Variants in ITPRID1 observed in about 807,000 individuals in gnomAD.
ITPRID1 encodes the protein protein ITPRID1.
ITPRID1 carries 96 observed loss-of-function variants against 95.4 expected under a neutral mutation model. The ratio of observed to expected loss-of-function variants is 1.01; its 90% CI spans 0.85 to 1.19. The LOEUF (loss-of-function observed/expected upper bound fraction) is 1.19. Among genes scored for constraint, ITPRID1 ranks in the 50% most tolerant of loss-of-function variants. ITPRID1 has a pLI of 0.00. For synonymous variants in ITPRID1, 510 were observed against 453.6 expected (o/e 1.12, Z -1.58); for missense variants, 1,339 against 1,252.9 (o/e 1.07, Z -1.04).
intron 10 of ITPRID1, among the ~76,000 whole-genome samples, chr7:31,587,258 A>G (rs1785656474): frequency 1.3e-5 from 2 of 152,266 alleles, no homozygotes; most frequent in South Asian, 4.2e-4. Flanking sequence ...TCAGCCCAAA[A>G]TCTCCTTAAG....
In ITPRID1 at chr7:31,543,170, G is replaced by C. The variant is rs560052857; in HGVS notation, c.-97-6256G>C. ...GCCTAGGAAACAAGCATAGCTGGAA[G>C]ACAAAGACAGATTTTGAGAGGTAAT... On this transcript the variant is annotated intron_variant, in intron 1 of 14. Transcript: ENST00000615280. 5.7e-4 allele frequency among the ~76,000 whole-genome samples: 87 copies of C among 152,186 alleles called. 1 individual carries two copies. The Middle Eastern group carries it at 0.014, about 24-fold the overall frequency.
At chr7:31,547,026 G>A (rs1050407522) in intron 1 of ITPRID1, among the ~76,000 whole-genome samples, 1 of 152,080 alleles carries the variant, frequency 6.6e-6, no homozygotes, top group Non-Finnish European at 1.5e-5. Flanking sequence ...CAAGTTAAAT[G>A]ATTATTTTCA....
At chr7:31,564,509 C>A (rs567839077) in intron 5 of ITPRID1, among the ~76,000 whole-genome samples, 1 of 152,130 alleles carries the variant, frequency 6.6e-6, no homozygotes, top group Non-Finnish European at 1.5e-5. Flanking sequence ...GAGAAAATAT[C>A]AAAACCAAGC....
At position 31,620,269 on chromosome 7, in the gene ITPRID1, A is replaced by T. The variant is rs370298148; in HGVS notation, c.1229-21907A>T. ...TGAAGAGAGCAGTGGTTCTCCCAGC[A>T]TGCAGCTGGAGATCTGAGAACGGGC... On this transcript the variant is annotated intron_variant, in intron 10 of 14. Coordinates refer to ENST00000615280, the MANE Select transcript of ITPRID1 (RefSeq NM_001257967.3). 7.4e-3 allele frequency among the ~76,000 whole-genome samples: 1,121 copies of T among 152,196 alleles called. 7 individuals carry two copies. Among genetic ancestry groups the T allele is most frequent in the Non-Finnish European group, 0.011 (752 of 68,004 alleles).
chr7:31,597,542 C>T (rs973769924), intron 10 of ITPRID1, among the ~76,000 whole-genome samples: 1 of 149,562 alleles, frequency 6.7e-6, no homozygotes, highest in African/African-American at 2.4e-5. Context: ...CAACAAGAAC[C>T]ATAAACCTAT....
At position 31,655,976 on chromosome 7, in the gene ITPRID1, A is replaced by C; in HGVS notation, c.*3147A>C. ...GATGAATCTCCAATTCTATTCCCCT[A>C]AACCACCTCCTGTGTTCCTGCTTCC... On this transcript the variant is annotated 3_prime_UTR_variant, in exon 15 of 15. Transcript: ENST00000615280. 1.0e-6 allele frequency: 1 copy of C among 985,364 alleles called. No homozygotes were observed. Among genetic ancestry groups the C allele is most frequent in the Non-Finnish European group, 1.2e-6 (1 of 829,918 alleles). The allele number at this position is 985,364 out of a possible 1,614,324, so 61.0% of individuals were successfully genotyped here. A position where few individuals can be genotyped will look rare whatever the true frequency, so the allele number is the denominator to read the frequency against.
rs182677679 is a variant in ITPRID1 at position 31,536,108 on chromosome 7, G to A, written c.-97-13318G>A. The stretch of plus-strand genomic sequence containing the variant: ...TCTCCTTCTGGGGCTTCAAAAATAC[G>A]GACGATCACTTGGTATTTTCCTATA... On this transcript the variant is annotated intron_variant, in intron 1 of 14. Transcript: ENST00000615280. 1.3e-3 allele frequency among the ~76,000 whole-genome samples: 202 copies of A among 152,062 alleles called. 1 individual carries two copies. In the Middle Eastern group the frequency reaches 0.014, roughly 10 times the overall value.
At position 31,653,280 on chromosome 7, in the gene ITPRID1, T is replaced by TG. The variant is rs1791116873; in HGVS notation, c.*454dup. On this transcript the variant is annotated 3_prime_UTR_variant, in exon 15 of 15. Transcript: ENST00000615280. ...AAGGGTGCTAATGGGGAAAGAGGTG[T>TG]GGGTACATAGGAGGCAAACAGTTGC... The TG allele has an allele frequency of 6.0e-6, 1 of 166,110 alleles. No individual in the cohort carries two copies. The highest frequency in any genetic ancestry group is 1.3e-5 in the Non-Finnish European group (1 of 74,960). The allele number at this position is 166,110 out of a possible 1,614,324, so 10.3% of individuals were successfully genotyped here.
intron 3 of ITPRID1, 88 bp downstream of exon 3, chr7:31,553,275 G>T (rs1784345707): frequency 7.9e-7 from 1 of 1,265,338 alleles, no homozygotes; most frequent in African/African-American, 1.5e-5. Flanking sequence ...AGGTGATTTT[G>T]GAACAAAAGT....
At chr7:31,633,557 T>C (rs1015098658) in intron 10 of ITPRID1, among the ~76,000 whole-genome samples, 12 of 152,240 alleles carry the variant, frequency 7.9e-5, no homozygotes, top group African/African-American at 2.9e-4. Context: ...ACAACTGCTC[T>C]CTGGTCTGAA....
intron 5 of ITPRID1, among the ~76,000 whole-genome samples, chr7:31,556,057 G>A (rs1314082774): frequency 6.6e-6 from 1 of 152,058 alleles, no homozygotes; most frequent in Admixed American, 6.6e-5. Context: ...GTTTTCTCTT[G>A]CCCCGGTTGT....
rs116620428 is a variant in ITPRID1, at chr7:31,588,026, G to A, written c.1228+4835G>A. Among the ~76,000 whole-genome samples the A allele has an allele frequency of 5.3e-3, 813 of 152,222 alleles. 2 individuals are homozygous for A. The highest frequency in any genetic ancestry group is 0.018 in the African/African-American group (740 of 41,526). ...TCAGTGAGTTGTATGAGGACATGGC[G>A]TCTATGTAAGAGAACCATCTCCAAT... On this transcript the variant is annotated intron_variant, in intron 10 of 14. Transcript: ENST00000615280.
intron 10 of ITPRID1, among the ~76,000 whole-genome samples, chr7:31,621,946 G>T (rs558357121): frequency 0.11 from 16,838 of 147,912 alleles, 1,058 homozygotes; most frequent in Middle Eastern, 0.16. Flanking sequence ...AAAGGCAGGG[G>T]TTGCAATCCT....
chr7:31,570,267 A>AC (rs1244174411), intron 6 of ITPRID1, among the ~76,000 whole-genome samples: 1 of 152,200 alleles, frequency 6.6e-6, no homozygotes. Flanking sequence ...GGTGCCCAGA[A>AC]CACCAGCATT....
At chr7:31,632,889 C>T (rs187691522) in intron 10 of ITPRID1, among the ~76,000 whole-genome samples, 24 of 151,600 alleles carry the variant, frequency 1.6e-4, no homozygotes, top group East Asian at 7.8e-4. Flanking sequence ...TTTATTCATT[C>T]ATTTATTTAT....
At chr7:31,602,441 T>C (rs1488427352) in intron 10 of ITPRID1, among the ~76,000 whole-genome samples, 1 of 152,164 alleles carries the variant, frequency 6.6e-6, no homozygotes, top group Admixed American at 6.5e-5. Context: ...TGTTGCTTAT[T>C]TGTTGTTTAT....
chr7:31,591,672 T>C (rs1422823173), intron 10 of ITPRID1, among the ~76,000 whole-genome samples: 1 of 152,136 alleles, frequency 6.6e-6, no homozygotes, highest in Non-Finnish European at 1.5e-5. Context: ...CAATGAATAG[T>C]GCCAAATCCT....
intron 5 of ITPRID1, among the ~76,000 whole-genome samples, chr7:31,564,922 C>T (rs751642370): frequency 3.0e-4 from 46 of 152,234 alleles, no homozygotes; most frequent in Non-Finnish European, 5.6e-4. Context: ...CATTGTGAGC[C>T]ACCAGCTTGC....
intron 1 of ITPRID1, among the ~76,000 whole-genome samples, chr7:31,525,599 A>G (rs1303924581): frequency 6.6e-6 from 1 of 152,220 alleles, no homozygotes; most frequent in Non-Finnish European, 1.5e-5. Context: ...GATCTTTACT[A>G]TAGAAAGATT....
Sources: gnomAD v4.1 joint callset for allele counts (sites outside exome capture counted in the v4.1 genomes callset) on GRCh38, gnomAD v4.1.1 for gene constraint, MANE v1.5 for transcripts, NCBI Gene and HGNC (gene_info 2026-07-23, HGNC 2026-07-21) for gene names.